The following HPSE2 variants were observed in gnomAD, a reference collection of about 807,000 sequenced individuals.
HPSE2 encodes the protein inactive heparanase-2.
HPSE2 carries 38 observed loss-of-function variants against 60.5 expected under a neutral mutation model. That is an observed-to-expected ratio of 0.63 (90% confidence interval 0.48 to 0.82). The LOEUF (loss-of-function observed/expected upper bound fraction) is 0.82. Among genes scored for constraint, HPSE2 ranks in the 40% least tolerant of loss-of-function variants. The pLI, the probability that HPSE2 is intolerant of heterozygous loss-of-function variation, is 0.00. For missense variants in HPSE2, 713 were observed against 740.4 expected, an observed-to-expected ratio of 0.96 and a Z score of 0.43; for synonymous variants, 295 against 293.2, an observed-to-expected ratio of 1.01 and a Z score of -0.06.
chr10:98,708,686 T>C (rs906943978), intron 5 of HPSE2, among the ~76,000 whole-genome samples: 2 of 152,164 alleles, frequency 1.3e-5, no homozygotes, highest in Non-Finnish European at 2.9e-5. Flanking sequence ...ATTTCTACAC[T>C]TAGTTTGAGG....
At chr10:98,660,616 C>A (rs1947197187) in intron 6 of HPSE2, among the ~76,000 whole-genome samples, 1 of 152,234 alleles carries the variant, frequency 6.6e-6, no homozygotes, top group South Asian at 2.1e-4. Context: ...CAATTCTTGG[C>A]ATCAGCTGTG....
chr10:98,804,260 C>A (rs951691872), intron 3 of HPSE2, among the ~76,000 whole-genome samples: 13 of 151,704 alleles, frequency 8.6e-5, no homozygotes, highest in Middle Eastern at 3.2e-3. Context: ...CACAGGCAAC[C>A]AAAGCAAAAA....
intron 5 of HPSE2, among the ~76,000 whole-genome samples, chr10:98,715,611 C>A (rs1244386795): frequency 2.6e-5 from 4 of 151,974 alleles, no homozygotes; most frequent in African/African-American, 9.7e-5. Flanking sequence ...GAGAGTCACA[C>A]AAATTATTTG....
At chr10:99,211,038 T>C (rs1848936326) in intron 2 of HPSE2, among the ~76,000 whole-genome samples, 1 of 152,066 alleles carries the variant, frequency 6.6e-6, no homozygotes, top group African/African-American at 2.4e-5. Flanking sequence ...CAAAAAACTG[T>C]CAGAACTATA....
At chr10:98,823,369 A>C (rs1023466732) in intron 3 of HPSE2, among the ~76,000 whole-genome samples, 13 of 152,222 alleles carry the variant, frequency 8.5e-5, no homozygotes, top group Non-Finnish European at 1.8e-4. Context: ...CTGTAATCCC[A>C]GCGCTTTGAG....
chr10:98,826,895 C>G (rs1170285759), intron 3 of HPSE2, among the ~76,000 whole-genome samples: 1 of 152,156 alleles, frequency 6.6e-6, no homozygotes, highest in Non-Finnish European at 1.5e-5. Context: ...CACTTACAAT[C>G]CCAGCACTTT....
At chr10:99,018,743 T>G (rs1957197329) in intron 3 of HPSE2, among the ~76,000 whole-genome samples, 1 of 152,182 alleles carries the variant, frequency 6.6e-6, no homozygotes, top group South Asian at 2.1e-4. Flanking sequence ...AAAAGTTGCT[T>G]GAATTTATTA....
At chr10:98,580,354 C>CTTCTGTT (rs956063155) in intron 9 of HPSE2, among the ~76,000 whole-genome samples, 5 of 80,308 alleles carry the variant, frequency 6.2e-5, no homozygotes, top group African/African-American at 2.1e-4. Flanking sequence ...CATTTTCTCT[C>CTTCTGTT]CTCTGTTCTC....
At chr10:99,095,381 G>C (rs887944240) in intron 3 of HPSE2, among the ~76,000 whole-genome samples, 16 of 151,946 alleles carry the variant, frequency 1.1e-4, no homozygotes, top group Non-Finnish European at 1.8e-4. Flanking sequence ...TATTTACCTG[G>C]TGACATTTTT....
At chr10:99,132,202 AG>A (rs1313106732) in intron 3 of HPSE2, among the ~76,000 whole-genome samples, 270 of 19,666 alleles carry the variant, frequency 0.014, 37 homozygotes, top group African/African-American at 0.022. Flanking sequence ...AGAGAGAGAG[AG>A]AGAGAGAGAG....
chr10:99,218,799 C>T (rs1439628507), intron 2 of HPSE2, among the ~76,000 whole-genome samples: 1 of 152,176 alleles, frequency 6.6e-6, no homozygotes, highest in Non-Finnish European at 1.5e-5. Flanking sequence ...TGGATTTTAA[C>T]TTGGCTAAGC....
intron 3 of HPSE2, among the ~76,000 whole-genome samples, chr10:98,816,522 T>C (rs1226924912): frequency 6.6e-6 from 1 of 152,112 alleles, no homozygotes; most frequent in Non-Finnish European, 1.5e-5. Flanking sequence ...CTTTCTAAAG[T>C]AGAGTGGGTA....
At chr10:99,127,753 C>G (rs1418091037) in intron 3 of HPSE2, among the ~76,000 whole-genome samples, 1 of 152,150 alleles carries the variant, frequency 6.6e-6, no homozygotes, top group East Asian at 1.9e-4. Context: ...ACAAAAGCAT[C>G]AGGTAAACTA....
intron 5 of HPSE2, among the ~76,000 whole-genome samples, chr10:98,717,033 A>G (rs1324555509): frequency 6.6e-6 from 1 of 152,064 alleles, no homozygotes; most frequent in Non-Finnish European, 1.5e-5. Context: ...CACTTTCATT[A>G]ATTATCTAAG....
At chr10:98,708,684 A>C (rs561741229) in intron 5 of HPSE2, among the ~76,000 whole-genome samples, 2 of 152,282 alleles carry the variant, frequency 1.3e-5, no homozygotes, top group South Asian at 4.1e-4. Flanking sequence ...GCATTTCTAC[A>C]CTTAGTTTGA....
intron 7 of HPSE2, among the ~76,000 whole-genome samples, chr10:98,625,143 G>A (rs908178438): frequency 6.6e-6 from 1 of 152,198 alleles, no homozygotes; most frequent in Non-Finnish European, 1.5e-5. Context: ...ACCTGCCCTT[G>A]CACAAGCTTA....
At chr10:99,166,809 C>T (rs925517110) in intron 2 of HPSE2, among the ~76,000 whole-genome samples, 6 of 150,864 alleles carry the variant, frequency 4.0e-5, no homozygotes, top group Non-Finnish European at 7.4e-5. Context: ...ATTGCACTCA[C>T]TGCACTCCAG....
intron 3 of HPSE2, among the ~76,000 whole-genome samples, chr10:98,816,282 G>GT (rs1007047023): frequency 1.3e-4 from 19 of 151,758 alleles, no homozygotes; most frequent in African/African-American, 4.6e-4. Context: ...TTTGTTTTTT[G>GT]TTTTTTTACA....
intron 6 of HPSE2, among the ~76,000 whole-genome samples, chr10:98,672,182 CT>C (rs1947523980): frequency 6.6e-6 from 1 of 152,074 alleles, no homozygotes; most frequent in Admixed American, 6.5e-5. Flanking sequence ...AACTTTGCTT[CT>C]TTTTATTTAG....
Sources: allele counts gnomAD v4.1 joint callset (sites outside exome capture counted in the v4.1 genomes callset), GRCh38; gene constraint gnomAD v4.1.1; transcripts MANE v1.5; gene names NCBI Gene and HGNC (gene_info 2026-07-23, HGNC 2026-07-21).